Variants in SGO2 observed in about 807,000 individuals in gnomAD.
SGO2 encodes the protein shugoshin 2, also known as shugoshin-like 2.
Under a neutral mutation model 99.5 loss-of-function variants are expected in SGO2, and 68 were observed. That is an observed-to-expected ratio of 0.68 (90% confidence interval 0.56 to 0.84). The LOEUF is 0.84. Among genes scored for constraint, SGO2 ranks in the 40% least tolerant of loss-of-function variants. SGO2 has a pLI of 0.00. For missense variants in SGO2, 1,350 were observed against 1,436.7 expected, an observed-to-expected ratio of 0.94 and a Z score of 0.97; for synonymous variants, 457 against 487.1, an observed-to-expected ratio of 0.94 and a Z score of 0.81.
At chr2:200,539,777 T>A (rs2031872298) in intron 4 of SGO2, among the ~76,000 whole-genome samples, 1 of 152,212 alleles carries the variant, frequency 6.6e-6, no homozygotes, top group Admixed American at 6.5e-5. Context: ...TCAGCCATAA[T>A]GTCCCCAAGT....
At chr2:200,541,832 A>C (rs1010490583) in intron 4 of SGO2, among the ~76,000 whole-genome samples, 1 of 152,124 alleles carries the variant, frequency 6.6e-6, no homozygotes, top group South Asian at 2.1e-4. Flanking sequence ...TTTGTCAAAA[A>C]TTAATTGACC....
intron 5 of SGO2, 140 bp from the exon 6 acceptor site, chr2:200,569,523 T>G (rs369695659): frequency 3.1e-6 from 2 of 635,860 alleles, no homozygotes; most frequent in African/African-American, 3.7e-5. Flanking sequence ...TTCCTACCTT[T>G]AAGTGTCTTC....
At chr2:200,562,148 T>G (rs1440682090) in intron 5 of SGO2, among the ~76,000 whole-genome samples, 1 of 151,906 alleles carries the variant, frequency 6.6e-6, no homozygotes, top group Non-Finnish European at 1.5e-5. Flanking sequence ...GTGGCCTGAA[T>G]GGTATTGCCT....
At position 200,572,863 on chromosome 2, in the gene SGO2, T is replaced by C; in HGVS notation, c.2517T>C (p.Asp839=). 1.3e-6 allele frequency: 2 copies of C among 1,595,854 alleles called. No individual in the cohort carries two copies. The highest frequency in any genetic ancestry group is 1.7e-6 in the Non-Finnish European group (2 of 1,174,774). ...AAGGTGTACATGACCTAGAAAAAGA[T>C]AACTTCTTCTCTCTAACCCCAAAGG... The part of the protein sequence containing the change: ...DNKGVHDLEK[D]NFFSLTPKDK... Residue 839 remains aspartate, a synonymous_variant, in exon 7 of 9, where the codon GAT becomes GAC. Coordinates refer to ENST00000357799, the MANE Select transcript of SGO2 (RefSeq NM_152524.6).
intron 5 of SGO2, among the ~76,000 whole-genome samples, chr2:200,560,414 G>T (rs2032893180): frequency 6.6e-6 from 1 of 151,752 alleles, no homozygotes; most frequent in African/African-American, 2.4e-5. Flanking sequence ...ATCTTTTTCT[G>T]TTGAAAAGTT....
At chr2:200,527,969 C>T (rs531628022) in intron 1 of SGO2, among the ~76,000 whole-genome samples, 1 of 152,148 alleles carries the variant, frequency 6.6e-6, no homozygotes, top group African/African-American at 2.4e-5. Flanking sequence ...AGGAAGTGAG[C>T]AAGCCCTGTG....
intron 4 of SGO2, among the ~76,000 whole-genome samples, chr2:200,540,459 A>G (rs1164942875): frequency 6.6e-6 from 1 of 152,202 alleles, no homozygotes; most frequent in African/African-American, 2.4e-5. Context: ...GGCATAACTG[A>G]TGAGTGGGTC....
Position 200,571,666 on chromosome 2 carries a change from T to C in SGO2, c.1320T>C (p.Asp440=), listed in dbSNP as rs1215516110. The stretch of plus-strand genomic sequence containing the variant: ...GGACAGAAAGATCTGATGTCCTGGA[T>C]GGCAAAAGGGGTGCAGAAGATCCCG... ...ENRTERSDVL[D]GKRGAEDPGF... Residue 440 remains aspartate, a synonymous_variant, in exon 7 of 9, where the codon GAT becomes GAC. Transcript: ENST00000357799. 5.6e-6 allele frequency: 9 copies of C among 1,613,560 alleles called. No individual in the cohort carries two copies. Among genetic ancestry groups the C allele is most frequent in the Non-Finnish European group, 7.6e-6 (9 of 1,179,722 alleles).
At chr2:200,539,819 C>T (rs888200790) in intron 4 of SGO2, among the ~76,000 whole-genome samples, 2 of 152,142 alleles carry the variant, frequency 1.3e-5, no homozygotes, top group Non-Finnish European at 2.9e-5. Context: ...TTCTCTTTCT[C>T]CTTTCCTCTA....
chr2:200,546,353 GAAA>G (rs772361302), intron 5 of SGO2, among the ~76,000 whole-genome samples: 136 of 42,228 alleles, frequency 3.2e-3, no homozygotes, highest in African/African-American at 0.012. Context: ...ACTCCATCTG[GAAA>G]AAAAAAAAAA....
Position 200,573,183 on chromosome 2 carries a change from ATAAATC to A in SGO2, c.2842_2847del (p.Ser948_Lys949del), listed in dbSNP as rs781103301. On this transcript the variant is annotated inframe_deletion, in exon 7 of 9. Coordinates refer to ENST00000357799, the MANE Select transcript of SGO2 (RefSeq NM_152524.6). The stretch of plus-strand genomic sequence containing the variant: ...ACAAAAGATCTTGATTTTAAAGTAA[ATAAATC>A]TAAACAAAAACTTGAATGCCAAGAC... 1.9e-6 allele frequency: 3 copies of A among 1,581,336 alleles called. No homozygotes were observed. The highest frequency in any genetic ancestry group is 2.6e-6 in the Non-Finnish European group (3 of 1,171,298).
chr2:200,559,220 A>T (rs1440113355), intron 5 of SGO2, among the ~76,000 whole-genome samples: 1 of 152,210 alleles, frequency 6.6e-6, no homozygotes, highest in African/African-American at 2.4e-5. Flanking sequence ...TACTGGCATA[A>T]AATTGTCCAT....
rs1397250465 is a variant in SGO2, at chr2:200,526,649, C to T, written c.-3+397C>T. ...CTGCGTGCCAAAGTTCTCGAAGGAG[C>T]CCTCTCGTTTGGAGAGGCTGGCTGA... is the stretch of plus-strand genomic sequence containing the variant. On this transcript the variant is annotated intron_variant, in intron 1 of 8. Coordinates refer to ENST00000357799, the MANE Select transcript of SGO2 (RefSeq NM_152524.6). This position sits in a 1 kb window ranked among gnomAD's most constrained non-coding sequence, Gnocchi z 4.8. 1.3e-5 allele frequency among the ~76,000 whole-genome samples: 2 copies of T among 152,042 alleles called. No homozygotes were observed. Among genetic ancestry groups the T allele is most frequent in the African/African-American group, 2.4e-5 (1 of 41,380 alleles).
chr2:200,580,417 CTACTT>C (rs1162446356), intron 8 of SGO2: 1 of 378,562 alleles, frequency 2.6e-6, no homozygotes, highest in Non-Finnish European at 5.2e-6. Flanking sequence ...TTTCTGTTCT[CTACTT>C]CACTGACTTC....
At chr2:200,551,056 G>A (rs942788036) in intron 5 of SGO2, among the ~76,000 whole-genome samples, 2 of 151,228 alleles carry the variant, frequency 1.3e-5, no homozygotes, top group Non-Finnish European at 2.9e-5. Flanking sequence ...TAGCCACTAT[G>A]CAGAACAGCA....
At chr2:200,530,231 C>T (rs1383717058) in intron 1 of SGO2, among the ~76,000 whole-genome samples, 1 of 152,106 alleles carries the variant, frequency 6.6e-6, no homozygotes, top group Non-Finnish European at 1.5e-5. Context: ...TCAAGTGAGA[C>T]ATGGTAGTGC....
chr2:200,567,991 G>A (rs960065136), intron 5 of SGO2, among the ~76,000 whole-genome samples: 8 of 152,208 alleles, frequency 5.3e-5, no homozygotes, highest in African/African-American at 1.7e-4. Context: ...GGAATTGCTG[G>A]GTCATCTGGT....
At chr2:200,546,511 C>A (rs780298991) in intron 5 of SGO2, among the ~76,000 whole-genome samples, 1 of 152,018 alleles carries the variant, frequency 6.6e-6, no homozygotes, top group Non-Finnish European at 1.5e-5. Flanking sequence ...GAGCCATGAG[C>A]TTCCCAAAAG....
At chr2:200,576,580 GA>G (rs957363524) in intron 8 of SGO2, among the ~76,000 whole-genome samples, 4 of 150,692 alleles carry the variant, frequency 2.7e-5, no homozygotes, top group African/African-American at 9.7e-5. Context: ...TCTCAAAAAA[GA>G]AAAAAAAAGT....
Sources: allele counts gnomAD v4.1 joint callset (sites outside exome capture counted in the v4.1 genomes callset), GRCh38; gene constraint gnomAD v4.1.1; non-coding constraint Gnocchi (gnomAD v3.1); transcripts MANE v1.5; gene names NCBI Gene and HGNC (gene_info 2026-07-23, HGNC 2026-07-21).